The following SH3RF3 variants were observed in gnomAD, a reference collection of about 807,000 sequenced individuals.
SH3RF3 encodes the protein SH3 domain containing ring finger 3.
SH3RF3 carries 29 observed loss-of-function variants against 66.3 expected under a neutral mutation model. The ratio of observed to expected loss-of-function variants is 0.44; its 90% CI spans 0.33 to 0.60. The LOEUF (loss-of-function observed/expected upper bound fraction) is 0.60. Among genes scored for constraint, SH3RF3 ranks in the 20% least tolerant of loss-of-function variants. The pLI is 0.04. For synonymous variants in SH3RF3, 583 were observed against 532.0 expected, an observed-to-expected ratio of 1.10 and a Z score of -1.32; for missense variants, 1,194 against 1,190.9, an observed-to-expected ratio of 1.00 and a Z score of -0.04.
chr2:109,395,236 A>G (rs1676109935), intron 3 of SH3RF3, among the ~76,000 whole-genome samples: 1 of 152,214 alleles, frequency 6.6e-6, no homozygotes, highest in Admixed American at 6.5e-5. Context: ...ATGACTCCTC[A>G]GTCCCATGTG....
intron 6 of SH3RF3, among the ~76,000 whole-genome samples, chr2:109,433,842 A>T (rs142303386): frequency 5.1e-4 from 77 of 152,316 alleles, no homozygotes; most frequent in African/African-American, 1.7e-3. Context: ...CTCAGCAGGG[A>T]AAAGCTTGAG....
rs557083882 is a variant in SH3RF3, at chr2:109,285,022, G to T, written c.574-62652G>T. 2.0e-4 allele frequency among the ~76,000 whole-genome samples: 31 copies of T among 152,346 alleles called. No homozygotes were observed. In the South Asian group the frequency reaches 6.2e-3, roughly 31 times the overall value. On this transcript the variant is annotated intron_variant, in intron 1 of 9. Coordinates refer to ENST00000309415, the MANE Select transcript of SH3RF3 (RefSeq NM_001099289.3). ...GCCTCTGGGAGGACGTTGTCTGTGC[G>T]CTGTGCCGCGGGGCCTCTGCTCCAT...
At chr2:109,159,337 G>T (rs951722743) in intron 1 of SH3RF3, among the ~76,000 whole-genome samples, 1 of 152,114 alleles carries the variant, frequency 6.6e-6, no homozygotes, top group Admixed American at 6.5e-5. Flanking sequence ...AGAGGGTGCT[G>T]CCTGCCCTGC....
chr2:109,317,508 C>T (rs1423160485), intron 1 of SH3RF3, among the ~76,000 whole-genome samples: 2 of 152,136 alleles, frequency 1.3e-5, no homozygotes, highest in African/African-American at 4.8e-5. Flanking sequence ...GCAGCAGCCC[C>T]GTTCACAGCA....
intron 1 of SH3RF3, among the ~76,000 whole-genome samples, chr2:109,226,357 A>T (rs1320494520): frequency 6.6e-6 from 1 of 152,210 alleles, no homozygotes; most frequent in East Asian, 1.9e-4. Context: ...ACATTGACTC[A>T]GGAAGGTCAG....
intron 1 of SH3RF3, among the ~76,000 whole-genome samples, chr2:109,218,381 T>C (rs13391497): frequency 0.37 from 56,222 of 152,074 alleles, 11,731 homozygotes; most frequent in East Asian, 0.8. Flanking sequence ...TCTGAGTTGC[T>C]GGATGAAATG....
At position 109,274,370 on chromosome 2, in the gene SH3RF3, G is replaced by A. The variant is rs1680698918; in HGVS notation, c.574-73304G>A. On this transcript the variant is annotated intron_variant, in intron 1 of 9. Transcript: ENST00000309415. ...GCCCTATTTACACAGTAGCGAAAAG[G>A]TGGGACCAGCCCAAGTGTCTATCAG... Among the ~76,000 whole-genome samples the A allele has an allele frequency of 3.3e-5, 5 of 152,322 alleles. No homozygotes were observed. In the South Asian group the frequency reaches 1.0e-3, roughly 32 times the overall value.
chr2:109,488,332 T>G (rs1679034627), intron 8 of SH3RF3, among the ~76,000 whole-genome samples: 1 of 152,180 alleles, frequency 6.6e-6, no homozygotes, highest in African/African-American at 2.4e-5. Flanking sequence ...CCCAGATGTC[T>G]TCAGACATTG....
At chr2:109,134,320 G>A (rs997890890) in intron 1 of SH3RF3, among the ~76,000 whole-genome samples, 1 of 152,120 alleles carries the variant, frequency 6.6e-6, no homozygotes, top group Non-Finnish European at 1.5e-5. Context: ...ATATAATAAG[G>A]ACTCCAGAGG....
rs114826449 is a variant in SH3RF3 at position 109,171,471 on chromosome 2, G to T, written c.573+41358G>T. On this transcript the variant is annotated intron_variant, in intron 1 of 9. Coordinates refer to ENST00000309415, the MANE Select transcript of SH3RF3 (RefSeq NM_001099289.3). The stretch of plus-strand genomic sequence containing the variant: ...ATGCTTCCCCTCCTGCTCCACGCTT[G>T]CCCCCCTACCCCGACCCCTCACTGC... Among the ~76,000 whole-genome samples, 503 of 152,316 alleles carry T rather than the reference G, an allele frequency of 3.3e-3. 3 individuals carry two copies. The highest frequency in any genetic ancestry group is 0.011 in the African/African-American group (466 of 41,584).
At chr2:109,461,715 T>C (rs955013190) in intron 8 of SH3RF3, among the ~76,000 whole-genome samples, 1 of 152,214 alleles carries the variant, frequency 6.6e-6, no homozygotes, top group African/African-American at 2.4e-5. Context: ...GTAGCATCCC[T>C]GTCTGCCACA....
intron 1 of SH3RF3, among the ~76,000 whole-genome samples, chr2:109,283,480 G>A (rs959621113): frequency 2.0e-5 from 3 of 152,210 alleles, no homozygotes; most frequent in African/African-American, 7.2e-5. Flanking sequence ...TGACCACAGA[G>A]ACCCCTGGTG....
chr2:109,394,898 C>T (rs987690914), intron 3 of SH3RF3, among the ~76,000 whole-genome samples: 2 of 152,224 alleles, frequency 1.3e-5, no homozygotes, highest in African/African-American at 4.8e-5. Context: ...AGTGTGGCTG[C>T]TCCTAATGGG....
chr2:109,137,918 C>T (rs1349575272), intron 1 of SH3RF3, among the ~76,000 whole-genome samples: 3 of 152,232 alleles, frequency 2.0e-5, no homozygotes, highest in African/African-American at 4.8e-5. Context: ...GAGGCTGGGC[C>T]AGCTAAATCT....
chr2:109,232,088 T>C (rs1385278249), intron 1 of SH3RF3, among the ~76,000 whole-genome samples: 1 of 152,242 alleles, frequency 6.6e-6, no homozygotes, highest in African/African-American at 2.4e-5. Flanking sequence ...ACAATGCCGC[T>C]ACAAGTATTT....
intron 6 of SH3RF3, among the ~76,000 whole-genome samples, chr2:109,434,453 C>G (rs541097238): frequency 4.8e-4 from 73 of 152,338 alleles, no homozygotes; most frequent in African/African-American, 1.6e-3. Context: ...AGCTTCCTTG[C>G]GTAGCATTGG....
At chr2:109,307,993 C>T (rs944359881) in intron 1 of SH3RF3, among the ~76,000 whole-genome samples, 5 of 142,368 alleles carry the variant, frequency 3.5e-5, no homozygotes, top group Non-Finnish European at 4.5e-5. Flanking sequence ...CCTGAGGAAT[C>T]GCCACACTGA....
At chr2:109,479,957 C>G (rs1678791889) in intron 8 of SH3RF3, among the ~76,000 whole-genome samples, 1 of 152,100 alleles carries the variant, frequency 6.6e-6, no homozygotes, top group African/African-American at 2.4e-5. Flanking sequence ...CCCTCTGCAG[C>G]CCAGTGGTAT....
At position 109,503,622 on chromosome 2, in the gene SH3RF3, G is replaced by A. The variant is rs765287526; in HGVS notation, c.*1951G>A. 1 of 152,176 alleles carries A rather than the reference G, an allele frequency of 6.6e-6. No homozygotes were observed. Among genetic ancestry groups the A allele is most frequent in the African/African-American group, 2.4e-5 (1 of 41,418 alleles). The allele number at this position is 152,176 out of a possible 1,614,324, so 9.4% of individuals were successfully genotyped here. A position where few individuals can be genotyped will look rare whatever the true frequency, so the allele number is the denominator to read the frequency against. ...CCCATCCTGCACCAAAATCCTGTGC[G>A]TGTTTAAATTCACGTTGTCACCAAA... On this transcript the variant is annotated 3_prime_UTR_variant, in exon 10 of 10. Coordinates refer to ENST00000309415, the MANE Select transcript of SH3RF3 (RefSeq NM_001099289.3).
Sources: allele counts gnomAD v4.1 joint callset (sites outside exome capture counted in the v4.1 genomes callset), GRCh38; gene constraint gnomAD v4.1.1; transcripts MANE v1.5; gene names NCBI Gene and HGNC (gene_info 2026-07-23, HGNC 2026-07-21).